The following UPP1 variants were observed in gnomAD, a reference collection of about 807,000 sequenced individuals.
The protein encoded by UPP1 is UPase 1.
A neutral mutation model predicts 29.6 loss-of-function variants in UPP1; 25 were observed. That is an observed-to-expected ratio of 0.85 (90% CI 0.62 to 1.18). UPP1 has a LOEUF of 1.18. Among genes scored for constraint, UPP1 ranks in the 50% most tolerant of loss-of-function variants. The pLI, the probability that UPP1 is intolerant of heterozygous loss-of-function variation, is 0.00. For missense variants in UPP1, 368 were observed against 410.4 expected, an observed-to-expected ratio of 0.90 and a Z score of 0.89; for synonymous variants, 165 against 159.8, an observed-to-expected ratio of 1.03 and a Z score of -0.25.
At chr7:48,102,365 T>G (rs1468323494) in intron 5 of UPP1, among the ~76,000 whole-genome samples, 3 of 152,176 alleles carry the variant, frequency 2.0e-5, no homozygotes. Context: ...AGTGAGTTAC[T>G]TCAAAACACA....
At chr7:48,107,651 CAT>C (rs1437021312) in intron 8 of UPP1, 144 bp downstream of exon 8, 2 of 949,200 alleles carry the variant, frequency 2.1e-6, no homozygotes, top group Non-Finnish European at 3.1e-6. Context: ...CACTTTCTGA[CAT>C]ATGTGTTGTC....
intron 5 of UPP1, 97 bp from the exon 6 acceptor site, chr7:48,103,200 G>A: frequency 1.2e-6 from 1 of 850,002 alleles, no homozygotes; most frequent in Admixed American, 1.9e-5. Context: ...CTATGTCAAT[G>A]GGCATGTTAG....
intron 5 of UPP1, among the ~76,000 whole-genome samples, chr7:48,102,656 C>A (rs186255877): frequency 3.3e-5 from 5 of 152,302 alleles, no homozygotes; most frequent in African/African-American, 1.2e-4. Flanking sequence ...GTGACCGATT[C>A]TAGCAGGGAT....
intron 3 of UPP1, among the ~76,000 whole-genome samples, chr7:48,095,585 A>T (rs770483307): frequency 6.6e-6 from 1 of 150,874 alleles, no homozygotes; most frequent in Non-Finnish European, 1.5e-5. Context: ...CTCCTCCTCC[A>T]TTCCCCAGAA....
chr7:48,103,724 CCTT>C lies in UPP1; in HGVS notation c.436+319_436+321del, dbSNP rs545188283. On this transcript the variant is annotated intron_variant, in intron 6 of 8. Transcript: ENST00000395564. Reference sequence around the variant, plus strand: ...ATTCTGTCTTATTCTTTCTAATCCCCCTTCTTCTCCATTCTCTCCTTTCCTTTG... The same window carrying C: ...ATTCTGTCTTATTCTTTCTAATCCCCCTTCTCCATTCTCTCCTTTCCTTTG... 2.3e-4 allele frequency: 290 copies of C among 1,279,818 alleles called. No individual in the cohort carries two copies. The African/African-American group carries it at 3.9e-3, about 17-fold the overall frequency. The allele number at this position is 1,279,818 out of a possible 1,614,324, so 79.3% of individuals were successfully genotyped here. A position where few individuals can be genotyped will look rare whatever the true frequency, so the allele number is the denominator to read the frequency against.
rs941433711 is a variant in UPP1 at position 48,101,883 on chromosome 7, A to G, written c.222A>G (p.Ala74=). The change falls in exon 5 of 9, where the codon GCA becomes GCG. Residue 74 remains alanine, a synonymous_variant. Transcript: ENST00000395564. ...AAGCCTTCATCAGGTGCGTTGGTGC[A>G]GAGCTGGGCCTTGACTGCCCAGGTA... is the stretch of plus-strand genomic sequence containing the variant. ...RMKAFIRCVG[A]ELGLDCPGRD... The G allele has an allele frequency of 1.2e-6, 2 of 1,613,950 alleles. No individual in the cohort carries two copies. Among genetic ancestry groups the G allele is most frequent in the South Asian group, 1.1e-5 (1 of 91,082 alleles).
chr7:48,094,370 C>G (rs940565266), intron 2 of UPP1, among the ~76,000 whole-genome samples: 3 of 152,100 alleles, frequency 2.0e-5, no homozygotes, highest in African/African-American at 7.2e-5. Context: ...CGCCTGCCAC[C>G]ACACCTGGCT....
At chr7:48,107,142 G>A in intron 7 of UPP1, 60 bp downstream of exon 7, 1 of 1,583,568 alleles carries the variant, frequency 6.3e-7, no homozygotes, top group Non-Finnish European at 8.6e-7. Context: ...CGTCCCCTGA[G>A]CCTGCCTTCT....
intron 3 of UPP1, among the ~76,000 whole-genome samples, chr7:48,098,109 G>A (rs1257093075): frequency 6.6e-6 from 1 of 152,172 alleles, no homozygotes; most frequent in Non-Finnish European, 1.5e-5. Flanking sequence ...GCCCATACAG[G>A]AGACAGTCAC....
chr7:48,091,487 T>C (rs1433755167), intron 2 of UPP1, among the ~76,000 whole-genome samples: 1 of 152,170 alleles, frequency 6.6e-6, no homozygotes, highest in African/African-American at 2.4e-5. Context: ...CATGGCTTTC[T>C]AGAGAGGTGA....
chr7:48,099,807 C>T lies in UPP1; in HGVS notation c.162+20C>T, dbSNP rs377743499. On this transcript the variant is annotated intron_variant, in intron 4 of 8. Transcript: ENST00000395564. Reference sequence around the variant, plus strand: ...GTGAAGGTAAGAGGCCAGGTGTTGACACCTTGGAATTTGCCTTAAGATCAA... The same window carrying T: ...GTGAAGGTAAGAGGCCAGGTGTTGATACCTTGGAATTTGCCTTAAGATCAA... 106 of 1,553,214 alleles carry T rather than the reference C, an allele frequency of 6.8e-5. No homozygotes were observed. In the African/African-American group the frequency reaches 1.4e-3, roughly 20 times the overall value.
chr7:48,102,391 G>A (rs1398713990), intron 5 of UPP1, among the ~76,000 whole-genome samples: 1 of 152,160 alleles, frequency 6.6e-6, no homozygotes, highest in African/African-American at 2.4e-5. Context: ...ATTTAGCAAG[G>A]AGCATGGTGA....
intron 5 of UPP1, among the ~76,000 whole-genome samples, 174 bp downstream of exon 5, chr7:48,102,156 C>T (rs1792462526): frequency 6.6e-6 from 1 of 152,198 alleles, no homozygotes; most frequent in Non-Finnish European, 1.5e-5. Context: ...GGCTATCGTC[C>T]TTGAGGCTCA....
intron 2 of UPP1, among the ~76,000 whole-genome samples, chr7:48,092,079 T>G (rs949281232): frequency 6.6e-6 from 1 of 152,062 alleles, no homozygotes; most frequent in African/African-American, 2.4e-5. Flanking sequence ...CCAAGGGAGC[T>G]CACCTCTTAG....
At chr7:48,092,270 C>T (rs996326135) in intron 2 of UPP1, among the ~76,000 whole-genome samples, 5 of 152,180 alleles carry the variant, frequency 3.3e-5, no homozygotes, top group South Asian at 2.1e-4. Context: ...CCCTGGGGAT[C>T]AGGACTCTGC....
At chr7:48,101,053 C>G (rs576812895) in intron 4 of UPP1, among the ~76,000 whole-genome samples, 2 of 151,932 alleles carry the variant, frequency 1.3e-5, no homozygotes, top group African/African-American at 4.8e-5. Context: ...ATTGTAGGCA[C>G]CTGCCACCAT....
rs779833225 is a variant in UPP1, at chr7:48,108,281, A to G, written c.857A>G (p.Asn286Ser). 22 of 1,613,968 alleles carry G rather than the reference A, an allele frequency of 1.4e-5. No homozygotes were observed. Among genetic ancestry groups the G allele is most frequent in the Admixed American group, 8.3e-5 (5 of 60,004 alleles). The part of the protein sequence containing the change: ...LEGDQISSPR[N>S]VLSEYQQRPQ... ...GGGGACCAGATCAGCAGCCCTCGCA[A>G]TGTGCTCAGCGAGTACCAGCAGAGG... Residue 286 changes from asparagine to serine, a missense_variant, in exon 9 of 9, where the codon AAT becomes AGT. Coordinates refer to ENST00000395564, the MANE Select transcript of UPP1 (RefSeq NM_003364.4).
At chr7:48,098,008 G>A (rs1421030083) in intron 3 of UPP1, among the ~76,000 whole-genome samples, 2 of 152,166 alleles carry the variant, frequency 1.3e-5, no homozygotes, top group South Asian at 2.1e-4. Flanking sequence ...AGGGGCAGGC[G>A]GGTGTGGCTC....
chr7:48,106,709 G>T, intron 6 of UPP1, 164 bp from the exon 7 acceptor site: 1 of 627,770 alleles, frequency 1.6e-6, no homozygotes, highest in Non-Finnish European at 2.8e-6. Context: ...TGGGAAAAAT[G>T]GGTCACTGTG....
Sources: gnomAD v4.1 joint callset for allele counts (sites outside exome capture counted in the v4.1 genomes callset) on GRCh38, gnomAD v4.1.1 for gene constraint, MANE v1.5 for transcripts, NCBI Gene and HGNC (gene_info 2026-07-23, HGNC 2026-07-21) for gene names.